The following MAF variants were observed in gnomAD, a reference collection of about 807,000 sequenced individuals.
MAF encodes MAF bZIP transcription factor, also known as transcription factor Maf.
A neutral mutation model predicts 22.0 loss-of-function variants in MAF; 10 were observed. The observed-to-expected ratio is 0.45, with a 90% CI of 0.28 to 0.77. The LOEUF (loss-of-function observed/expected upper bound fraction) is 0.77. Ranked by LOEUF, MAF falls within the 30% of genes least tolerant of loss-of-function variation. The probability of loss-of-function intolerance (pLI) is 0.12; values close to 1 mark genes in which losing one functional copy is unlikely to be tolerated. For missense variants in MAF, 544 were observed against 548.4 expected (o/e 0.99, Z 0.08); for synonymous variants, 337 against 255.8 (o/e 1.32, Z -3.03).
the MAF span, among the ~76,000 whole-genome samples, chr16:79,268,268 A>T: frequency 6.6e-6 from 1 of 152,114 alleles, no homozygotes; most frequent in East Asian, 1.9e-4. Flanking sequence ...ACCATGCAAG[A>T]AAAATGTAGT....
At chr16:79,453,797 G>C in the MAF span, among the ~76,000 whole-genome samples, 36 of 152,258 alleles carry the variant, frequency 2.4e-4, no homozygotes, top group Admixed American at 2.1e-3. Flanking sequence ...GACTGGCTTT[G>C]ACAGGCCCTG....
chr16:79,400,135 G>A, the MAF span, among the ~76,000 whole-genome samples: 2 of 152,128 alleles, frequency 1.3e-5, no homozygotes, highest in African/African-American at 4.8e-5. Context: ...GACATCTAGT[G>A]GGTAGACACC....
chr16:79,561,685 T>C, the MAF span, among the ~76,000 whole-genome samples: 1 of 152,126 alleles, frequency 6.6e-6, no homozygotes, highest in Non-Finnish European at 1.5e-5. Context: ...GAATCTCCAC[T>C]GCCCCTACAA....
At position 79,594,319 on chromosome 16, in the gene MAF, C is replaced by T; in HGVS notation, c.*141G>A. The T allele has an allele frequency of 2.5e-6, 2 of 806,150 alleles. No homozygotes were observed. The highest frequency in any genetic ancestry group is 1.5e-5 in the South Asian group (1 of 65,718). 49.9% of individuals were successfully genotyped at this position (806,150 alleles called of 1,614,324 possible). A position where few individuals can be genotyped will look rare whatever the true frequency, so the allele number is the denominator to read the frequency against. On this transcript the variant is annotated 3_prime_UTR_variant, in exon 2 of 2. Transcript: ENST00000326043. ...AGACAAGAGGCATAGTTAACTACTA[C>T]ATTTAATAGCCTTCTTCTCTAACAC...
At chr16:79,498,493 G>C in the MAF span, among the ~76,000 whole-genome samples, 3 of 152,242 alleles carry the variant, frequency 2.0e-5, no homozygotes, top group African/African-American at 7.2e-5. Context: ...CTTCAGGCTA[G>C]CTTTGGCCCA....
At chr16:79,203,689 C>T in the MAF span, 4 of 152,090 alleles carry the variant, frequency 2.6e-5, no homozygotes, top group African/African-American at 7.2e-5. Flanking sequence ...AGGCAGACTT[C>T]GTAGAGCCAT....
chr16:79,547,438 T>C, the MAF span, among the ~76,000 whole-genome samples: 7 of 152,076 alleles, frequency 4.6e-5, no homozygotes, highest in African/African-American at 1.7e-4. Context: ...ATTTGAATGT[T>C]TAACCTGTAT....
At chr16:79,474,513 C>T in the MAF span, among the ~76,000 whole-genome samples, 2 of 152,132 alleles carry the variant, frequency 1.3e-5, no homozygotes, top group Non-Finnish European at 2.9e-5. Context: ...GTGCTTTCTG[C>T]CAAGCCCAGC....
chr16:79,435,246 G>GCACA, the MAF span, among the ~76,000 whole-genome samples: 900 of 150,256 alleles, frequency 6.0e-3, 8 homozygotes, highest in African/African-American at 0.02. Flanking sequence ...CTGCGACTGT[G>GCACA]CACACACACA....
At chr16:79,523,359 C>T in the MAF span, among the ~76,000 whole-genome samples, 7 of 152,206 alleles carry the variant, frequency 4.6e-5, no homozygotes, top group Admixed American at 4.6e-4. Flanking sequence ...TTTCTGTGTA[C>T]TAGACCAGAC....
the MAF span, among the ~76,000 whole-genome samples, chr16:79,321,613 T>C: frequency 1.3e-5 from 2 of 150,542 alleles, no homozygotes; most frequent in African/African-American, 4.9e-5. Context: ...AACAGAGGCC[T>C]GCTAAGACTG....
At chr16:79,418,285 T>C in the MAF span, among the ~76,000 whole-genome samples, 1 of 152,146 alleles carries the variant, frequency 6.6e-6, no homozygotes, top group Admixed American at 6.5e-5. Context: ...TTTCTCATTA[T>C]CTGGGGACAG....
chr16:79,376,684 C>G, the MAF span, among the ~76,000 whole-genome samples: 6,840 of 152,176 alleles, frequency 0.045, 490 homozygotes, highest in African/African-American at 0.16. Context: ...CTCCTCCCCC[C>G]ACCCTACAAC....
At chr16:79,379,395 G>T in the MAF span, among the ~76,000 whole-genome samples, 1 of 152,124 alleles carries the variant, frequency 6.6e-6, no homozygotes, top group Non-Finnish European at 1.5e-5. Context: ...TTGCATGTAT[G>T]CATGAGTTGC....
At chr16:79,506,094 C>T in the MAF span, among the ~76,000 whole-genome samples, 11 of 152,240 alleles carry the variant, frequency 7.2e-5, 1 homozygote, top group South Asian at 4.1e-4. Context: ...TACTGAGCAG[C>T]ATAATTTGAT....
At chr16:79,325,746 G>A in the MAF span, among the ~76,000 whole-genome samples, 1 of 152,222 alleles carries the variant, frequency 6.6e-6, no homozygotes, top group Non-Finnish European at 1.5e-5. Flanking sequence ...AGGAAGGCAG[G>A]AAGACCCAGT....
the MAF span, among the ~76,000 whole-genome samples, chr16:79,557,062 C>T: frequency 1.3e-5 from 2 of 151,766 alleles, no homozygotes; most frequent in African/African-American, 4.9e-5. Flanking sequence ...AAGTGATCCT[C>T]CCAGGTAGCT....
the MAF span, among the ~76,000 whole-genome samples, chr16:79,214,041 T>C: frequency 6.6e-6 from 1 of 152,170 alleles, no homozygotes; most frequent in Non-Finnish European, 1.5e-5. Flanking sequence ...TATTTGCTGT[T>C]TCCTCTGCTG....
the MAF span, among the ~76,000 whole-genome samples, chr16:79,467,052 T>A: frequency 6.6e-6 from 1 of 152,206 alleles, no homozygotes; most frequent in African/African-American, 2.4e-5. Flanking sequence ...AAAGATCTTT[T>A]CAATATTAGA....
Sources: allele counts gnomAD v4.1 joint callset (sites outside exome capture counted in the v4.1 genomes callset), GRCh38; gene constraint gnomAD v4.1.1; transcripts MANE v1.5; gene names NCBI Gene and HGNC (gene_info 2026-07-23, HGNC 2026-07-21).